Variants in CSMD1 observed in about 807,000 individuals in gnomAD.
The protein encoded by CSMD1 is CUB and Sushi multiple domains 1, also known as CUB and sushi domain-containing protein 1.
Under a neutral mutation model 417.5 loss-of-function variants are expected in CSMD1, and 213 were observed. The observed-to-expected ratio is 0.51, with a 90% CI of 0.46 to 0.57. The LOEUF (loss-of-function observed/expected upper bound fraction) is 0.57, where lower values mean the gene tolerates loss of function less well. Among genes scored for constraint, CSMD1 ranks in the 20% least tolerant of loss-of-function variants. The pLI, the probability that CSMD1 is intolerant of heterozygous loss-of-function variation, is 0.00. For synonymous variants in CSMD1, 2,862 were observed against 1,736.8 expected (o/e 1.65, Z -16.11); for missense variants, 6,923 against 4,529.7 (o/e 1.53, Z -15.17).
Position 3,408,033 on chromosome 8 carries a change from G to A in CSMD1, c.1937C>T (p.Ser646Phe). 1 of 1,613,952 alleles carries A rather than the reference G, an allele frequency of 6.2e-7. No individual in the cohort carries two copies. The highest frequency in any genetic ancestry group is 8.5e-7 in the Non-Finnish European group (1 of 1,179,884). Residue 646 changes from serine (S) to phenylalanine (F), a missense_variant, in exon 14 of 70, where the codon TCT becomes TTT. Transcript: ENST00000635120. ...AAAAGTACCCAGGACAGTTATGTCA[G>A]AAATGCCATCATCCTTGACCGCGAG... ...DFLAVKDDGI[S>F]DITVLGTFSG...
chr8:3,786,804 AG>A (rs1207180232), intron 5 of CSMD1, among the ~76,000 whole-genome samples: 1 of 152,092 alleles, frequency 6.6e-6, no homozygotes, highest in African/African-American at 2.4e-5. Context: ...GGTGGTAGAG[AG>A]AGAAGAAGGA....
intron 52 of CSMD1, among the ~76,000 whole-genome samples, chr8:3,015,389 T>C (rs1281341242): frequency 6.6e-6 from 1 of 152,162 alleles, no homozygotes; most frequent in African/African-American, 2.4e-5. Context: ...CCTGATTGGA[T>C]GATTTGCTTT....
intron 3 of CSMD1, among the ~76,000 whole-genome samples, chr8:4,243,154 G>T (rs943977126): frequency 6.6e-6 from 1 of 152,086 alleles, no homozygotes; most frequent in Non-Finnish European, 1.5e-5. Flanking sequence ...AAGGAGAGGA[G>T]GGAGAGTGCT....
At chr8:4,158,714 G>C (rs1473641945) in intron 3 of CSMD1, among the ~76,000 whole-genome samples, 3 of 152,034 alleles carry the variant, frequency 2.0e-5, no homozygotes, top group South Asian at 4.1e-4. Flanking sequence ...ACCCCATTCA[G>C]TCCTTATCAC....
At chr8:4,925,552 T>C (rs1423402049) in intron 1 of CSMD1, among the ~76,000 whole-genome samples, 3 of 151,668 alleles carry the variant, frequency 2.0e-5, no homozygotes, top group Non-Finnish European at 4.4e-5. Context: ...TTTTTTCTTT[T>C]TTCTTTTTTT....
chr8:4,328,880 C>T (rs759093886), intron 3 of CSMD1, among the ~76,000 whole-genome samples: 1 of 152,158 alleles, frequency 6.6e-6, no homozygotes, highest in African/African-American at 2.4e-5. Flanking sequence ...CATAAAATGT[C>T]CTCATAACAT....
intron 32 of CSMD1, among the ~76,000 whole-genome samples, chr8:3,201,301 G>A (rs954406304): frequency 2.6e-5 from 4 of 152,074 alleles, no homozygotes; most frequent in African/African-American, 9.7e-5. Context: ...TAAGACACAT[G>A]GGATACAAAA....
chr8:4,347,720 G>A (rs1171049313), intron 3 of CSMD1, among the ~76,000 whole-genome samples: 3 of 152,014 alleles, frequency 2.0e-5, no homozygotes, highest in Non-Finnish European at 2.9e-5. Context: ...CCTGTAGCAC[G>A]TAACTCAATT....
intron 5 of CSMD1, among the ~76,000 whole-genome samples, chr8:3,915,446 T>C (rs1336981589): frequency 6.8e-6 from 1 of 148,014 alleles, no homozygotes; most frequent in Non-Finnish European, 1.5e-5. Context: ...GCATAGTAGG[T>C]TCGGAAGATC....
intron 15 of CSMD1, among the ~76,000 whole-genome samples, chr8:3,405,369 C>G (rs937830843): frequency 2.0e-5 from 3 of 151,940 alleles, no homozygotes; most frequent in African/African-American, 4.8e-5. Flanking sequence ...AAATATTTTC[C>G]TCTCTATATT....
At chr8:4,707,882 G>A (rs1417226210) in intron 1 of CSMD1, among the ~76,000 whole-genome samples, 1 of 97,314 alleles carries the variant, frequency 1.0e-5, no homozygotes, top group African/African-American at 4.4e-5. Flanking sequence ...GCAAGACTTT[G>A]TTTCAAAAAA....
intron 4 of CSMD1, 44 bp from the exon 5 acceptor site, chr8:3,998,154 G>T (rs1226722875): frequency 6.6e-7 from 1 of 1,504,620 alleles, no homozygotes; most frequent in Admixed American, 2.0e-5. Flanking sequence ...TTTCAGGATG[G>T]TTTTCATACA....
intron 3 of CSMD1, among the ~76,000 whole-genome samples, chr8:4,046,532 T>G (rs1253488912): frequency 6.6e-6 from 1 of 152,212 alleles, no homozygotes; most frequent in African/African-American, 2.4e-5. Context: ...ACACGTCATG[T>G]ATTCAACTCT....
chr8:3,283,566 G>C (rs563813897), intron 26 of CSMD1, among the ~76,000 whole-genome samples: 46 of 152,154 alleles, frequency 3.0e-4, no homozygotes, highest in African/African-American at 1.1e-3. Flanking sequence ...ATGCAGTTTT[G>C]AGGAAACTGC....
chr8:3,711,285 G>C (rs1242589955), intron 6 of CSMD1, among the ~76,000 whole-genome samples: 1 of 152,148 alleles, frequency 6.6e-6, no homozygotes, highest in African/African-American at 2.4e-5. Context: ...GCCATGAATA[G>C]ACCACAGGGA....
intron 7 of CSMD1, among the ~76,000 whole-genome samples, chr8:3,645,532 G>A (rs1404970981): frequency 6.6e-6 from 1 of 152,170 alleles, no homozygotes; most frequent in East Asian, 1.9e-4. Context: ...TGTGGTCAGA[G>A]GTGAAGCTGC....
intron 3 of CSMD1, among the ~76,000 whole-genome samples, chr8:4,140,573 T>G (rs1334986159): frequency 6.6e-6 from 1 of 150,780 alleles, no homozygotes; most frequent in Admixed American, 6.6e-5. Flanking sequence ...GAGGCTAAGG[T>G]GGGAAGACTG....
At chr8:4,646,985 A>G (rs1012329007) in intron 1 of CSMD1, among the ~76,000 whole-genome samples, 60 of 152,190 alleles carry the variant, frequency 3.9e-4, no homozygotes, top group Non-Finnish European at 3.4e-4. Context: ...CGGGATGTGG[A>G]CCTAGTCATA....
Position 4,653,267 on chromosome 8 carries a change from C to T in CSMD1, c.86-15709G>A, listed in dbSNP as rs139790515. Among the ~76,000 whole-genome samples the T allele has an allele frequency of 7.6e-3, 1,157 of 152,196 alleles. 18 individuals carry two copies. Among genetic ancestry groups the T allele is most frequent in the African/African-American group, 0.027 (1,111 of 41,470 alleles). The stretch of plus-strand genomic sequence containing the variant: ...GGCTCCTATAAAGGAGTGATTGGAT[C>T]CACAGACTCCCAAGTAACTGAATTA... On this transcript the variant is annotated intron_variant, in intron 1 of 69. Coordinates refer to ENST00000635120, the MANE Select transcript of CSMD1 (RefSeq NM_033225.6).
Sources: gnomAD v4.1 joint callset for allele counts (sites outside exome capture counted in the v4.1 genomes callset) on GRCh38, gnomAD v4.1.1 for gene constraint, MANE v1.5 for transcripts, NCBI Gene and HGNC (gene_info 2026-07-23, HGNC 2026-07-21) for gene names.